The following RPS6KA2 variants were observed in gnomAD, a reference collection of about 807,000 sequenced individuals.
RPS6KA2 encodes ribosomal protein S6 kinase A2.
A neutral mutation model predicts 91.8 loss-of-function variants in RPS6KA2; 42 were observed. The ratio of observed to expected loss-of-function variants is 0.46; its 90% CI spans 0.36 to 0.59. The LOEUF is 0.59. Among genes scored for constraint, RPS6KA2 ranks in the 20% least tolerant of loss-of-function variants. The probability of loss-of-function intolerance (pLI) is 0.00; values close to 1 mark genes in which losing one functional copy is unlikely to be tolerated. For missense variants in RPS6KA2, 798 were observed against 978.5 expected (o/e 0.82, Z 2.46); for synonymous variants, 414 against 393.6 (o/e 1.05, Z -0.61).
chr6:166,702,048 G>C, intron 2 of RPS6KA2: 1 of 1,135,610 alleles, frequency 8.8e-7, no homozygotes, highest in Non-Finnish European at 1.3e-6. Context: ...ATAATCTCCA[G>C]AATAGACTTA....
Position 166,500,982 on chromosome 6 carries a change from C to T in RPS6KA2, c.567-58G>A. On this transcript the variant is annotated intron_variant, in intron 6 of 20. Coordinates refer to ENST00000265678, the MANE Select transcript of RPS6KA2 (RefSeq NM_021135.6). The surrounding 1 kb of genome is among the most constrained non-coding windows in gnomAD (Gnocchi z 4.3). ...GAAAGAGACCCAGCCTGCCGACGGGCACGCAGAGCTCAGAGGAGAGCTGCG... is the reference window on the plus strand; with the variant it reads ...GAAAGAGACCCAGCCTGCCGACGGGTACGCAGAGCTCAGAGGAGAGCTGCG... The T allele has an allele frequency of 2.0e-6, 3 of 1,536,252 alleles. No individual in the cohort carries two copies. The highest frequency in any genetic ancestry group is 2.3e-5 in the East Asian group (1 of 44,366).
intron 1 of RPS6KA2, among the ~76,000 whole-genome samples, chr6:166,565,568 C>A (rs1447048681): frequency 6.6e-6 from 1 of 152,050 alleles, no homozygotes; most frequent in Admixed American, 6.5e-5. Flanking sequence ...TGGGCAGTGA[C>A]CGCCTCACTT....
Position 166,667,398 on chromosome 6 carries a change from T to C in RPS6KA2, c.124-128614A>G, listed in dbSNP as rs147569192. Among the ~76,000 whole-genome samples, 884 of 152,336 alleles carry C rather than the reference T, an allele frequency of 5.8e-3. 6 individuals are homozygous for C. The highest frequency in any genetic ancestry group is 0.02 in the African/African-American group (848 of 41,574). On this transcript the variant is annotated intron_variant, in intron 2 of 21. Coordinates refer to the RPS6KA2 transcript ENST00000503859. ...ATAGCATTTTAAACTACAGAAAATA[T>C]ACCTAATGAAAATTACTAATTTGCC...
At chr6:166,743,000 G>T (rs1354613251) in intron 2 of RPS6KA2, among the ~76,000 whole-genome samples, 2 of 152,174 alleles carry the variant, frequency 1.3e-5, no homozygotes, top group Admixed American at 1.3e-4. Context: ...CTAGAATACT[G>T]GTATGAAAGC....
intron 2 of RPS6KA2, among the ~76,000 whole-genome samples, chr6:166,711,005 TA>T (rs1789829528): frequency 6.6e-6 from 1 of 152,062 alleles, no homozygotes; most frequent in Admixed American, 6.5e-5. Flanking sequence ...CCCATGCCAG[TA>T]AAGGCTGTGT....
intron 2 of RPS6KA2, among the ~76,000 whole-genome samples, chr6:166,685,534 C>T (rs1725193025): frequency 2.0e-5 from 3 of 152,206 alleles, no homozygotes; most frequent in African/African-American, 7.2e-5. Flanking sequence ...CTGATGGATT[C>T]ATAGCCATGC....
intron 1 of RPS6KA2, among the ~76,000 whole-genome samples, chr6:166,618,752 C>T (rs748467225): frequency 2.0e-5 from 3 of 152,230 alleles, no homozygotes; most frequent in African/African-American, 4.8e-5. Context: ...TCCTGCCTCA[C>T]GCACACAGAG....
intron 2 of RPS6KA2, chr6:166,757,699 A>G (rs1778056632): frequency 2.4e-6 from 1 of 424,712 alleles, no homozygotes; most frequent in Non-Finnish European, 4.7e-6. Flanking sequence ...CCAGGCAGCC[A>G]CCCCGCACAC....
chr6:166,635,788 C>A lies in RPS6KA2; in HGVS notation c.124-97004G>T, dbSNP rs959193189. On this transcript the variant is annotated intron_variant, in intron 2 of 21. Transcript: ENST00000503859. This position sits in a 1 kb window ranked among gnomAD's most constrained non-coding sequence, Gnocchi z 4.8. ...ACTGCGCTCACCCCAGGACAAGCCA[C>A]CATCCCCACCCTGGGGAGAAGGCTG... is the stretch of plus-strand genomic sequence containing the variant. Among the ~76,000 whole-genome samples, 5 of 152,226 alleles carry A rather than the reference C, an allele frequency of 3.3e-5. No individual in the cohort carries two copies. Among genetic ancestry groups the A allele is most frequent in the Non-Finnish European group, 1.5e-5 (1 of 67,994 alleles).
At chr6:166,485,089 C>G (rs981692000) in intron 10 of RPS6KA2, among the ~76,000 whole-genome samples, 1 of 152,220 alleles carries the variant, frequency 6.6e-6, no homozygotes, top group Non-Finnish European at 1.5e-5. Context: ...GTCCACCCAC[C>G]CTCTGCCACC....
rs764125635 is a variant in RPS6KA2, at chr6:166,494,891, C to A, written c.747+3617G>T. 6.6e-6 allele frequency among the ~76,000 whole-genome samples: 1 copy of A among 152,200 alleles called. No individual in the cohort carries two copies. The highest frequency in any genetic ancestry group is 1.5e-5 in the Non-Finnish European group (1 of 68,026). Reference sequence around the variant, plus strand: ...TTCTTTTAAAACAAGGCCCCTCACACGCACAACGGCTCTGCACCGATCCGC... The same window carrying A: ...TTCTTTTAAAACAAGGCCCCTCACAAGCACAACGGCTCTGCACCGATCCGC... On this transcript the variant is annotated intron_variant, in intron 8 of 20. Coordinates refer to ENST00000265678, the MANE Select transcript of RPS6KA2 (RefSeq NM_021135.6). The surrounding 1 kb of genome is among the most constrained non-coding windows in gnomAD (Gnocchi z 5.1).
At chr6:166,758,705 T>C (rs1004313702) in intron 2 of RPS6KA2, among the ~76,000 whole-genome samples, 1 of 152,148 alleles carries the variant, frequency 6.6e-6, no homozygotes, top group African/African-American at 2.4e-5. Flanking sequence ...AGGATGCAGG[T>C]GTGGAAATAA....
intron 2 of RPS6KA2, among the ~76,000 whole-genome samples, chr6:166,647,911 TGCACATGCTCACACACAC>T (rs1787684299): frequency 1.8e-5 from 2 of 113,876 alleles, no homozygotes; most frequent in South Asian, 3.0e-4. Flanking sequence ...CTCACACACA[TGCACATGCTCACACACAC>T]GCACATGCTC....
chr6:166,656,291 G>A (rs1338269949), intron 2 of RPS6KA2, among the ~76,000 whole-genome samples: 1 of 152,202 alleles, frequency 6.6e-6, no homozygotes, highest in African/African-American at 2.4e-5. Context: ...GGAGGGGAGA[G>A]GCAGGGAAGA....
intron 2 of RPS6KA2, among the ~76,000 whole-genome samples, chr6:166,642,086 G>A (rs1787455621): frequency 6.6e-6 from 1 of 151,700 alleles, no homozygotes; most frequent in African/African-American, 2.4e-5. Context: ...AAAAGAAAAT[G>A]ATACCTAAAT....
chr6:166,679,348 C>T (rs2128564514), intron 2 of RPS6KA2, among the ~76,000 whole-genome samples: 1 of 151,608 alleles, frequency 6.6e-6, no homozygotes, highest in East Asian at 1.9e-4. Flanking sequence ...CCTGTAATCA[C>T]AGCTATTCAG....
At chr6:166,724,488 T>A (rs866308822) in intron 2 of RPS6KA2, among the ~76,000 whole-genome samples, 1 of 152,170 alleles carries the variant, frequency 6.6e-6, no homozygotes, top group Non-Finnish European at 1.5e-5. Context: ...TTTGAGTTAC[T>A]CTTTCACAGA....
At chr6:166,447,543 G>A (rs916243879) in intron 14 of RPS6KA2, among the ~76,000 whole-genome samples, 8 of 152,104 alleles carry the variant, frequency 5.3e-5, no homozygotes, top group African/African-American at 1.7e-4. Flanking sequence ...CAAGAAACAC[G>A]GTAGACGTTC....
At chr6:166,498,883 T>C (rs1016458788) in intron 7 of RPS6KA2, among the ~76,000 whole-genome samples, 3 of 151,864 alleles carry the variant, frequency 2.0e-5, no homozygotes, top group African/African-American at 7.3e-5. Context: ...TCCTTATGAG[T>C]GTACACACTC....
Sources: gnomAD v4.1 joint callset for allele counts (sites outside exome capture counted in the v4.1 genomes callset) on GRCh38, gnomAD v4.1.1 for gene constraint, Gnocchi (gnomAD v3.1) non-coding constraint, MANE v1.5 for transcripts, NCBI Gene and HGNC (gene_info 2026-07-23, HGNC 2026-07-21) for gene names.